SDC2: variants seen among roughly 807,000 people sequenced by gnomAD.
SDC2 encodes syndecan 2, also known as syndecan-2.
In SDC2, 13 loss-of-function variants were observed where a neutral mutation model predicts 22.2. The ratio of observed to expected loss-of-function variants is 0.59; its 90% CI spans 0.38 to 0.93. SDC2 has a LOEUF of 0.93. SDC2 is among the 40% of genes least tolerant of loss of function. The pLI is 0.00. For synonymous variants in SDC2, 94 were observed against 92.8 expected (o/e 1.01, Z -0.07); for missense variants, 235 against 246.8 (o/e 0.95, Z 0.32).
intron 1 of SDC2, among the ~76,000 whole-genome samples, chr8:96,590,029 G>A (rs1430094402): frequency 1.3e-5 from 2 of 152,248 alleles, no homozygotes; most frequent in Non-Finnish European, 2.9e-5. Context: ...TATGGAGGCA[G>A]TGTAGTGCTT....
intron 1 of SDC2, among the ~76,000 whole-genome samples, chr8:96,582,939 A>G (rs758183600): frequency 3.3e-5 from 5 of 152,088 alleles, no homozygotes; most frequent in Non-Finnish European, 7.4e-5. Context: ...AATTTTTAAA[A>G]CCTGAAATCT....
At chr8:96,540,284 G>A (rs550114492) in intron 1 of SDC2, among the ~76,000 whole-genome samples, 61 of 149,672 alleles carry the variant, frequency 4.1e-4, no homozygotes, top group African/African-American at 1.5e-3. Flanking sequence ...TTGAGCTTGG[G>A]TGTTCAAGAC....
chr8:96,563,332 G>A (rs747133660), intron 1 of SDC2, among the ~76,000 whole-genome samples: 2 of 152,126 alleles, frequency 1.3e-5, no homozygotes, highest in Non-Finnish European at 2.9e-5. Flanking sequence ...TCCTAGGCTA[G>A]CACTCAGTGT....
chr8:96,555,827 G>A (rs959671994), intron 1 of SDC2, among the ~76,000 whole-genome samples: 12 of 152,144 alleles, frequency 7.9e-5, no homozygotes, highest in African/African-American at 2.9e-4. Context: ...ATGAGTGCAA[G>A]TTGGGGCACC....
chr8:96,594,079 G>A (rs2704259), intron 2 of SDC2, among the ~76,000 whole-genome samples: 30,037 of 152,088 alleles, frequency 0.2, 3,494 homozygotes, highest in South Asian at 0.36. Flanking sequence ...TATTGTAGGA[G>A]GAAAATGCAG....
At chr8:96,560,360 A>G (rs534292441) in intron 1 of SDC2, among the ~76,000 whole-genome samples, 2 of 152,342 alleles carry the variant, frequency 1.3e-5, no homozygotes, top group Admixed American at 6.5e-5. Flanking sequence ...ATGAATAGTC[A>G]TATCTTCACA....
chr8:96,504,265 C>T (rs536537330), intron 1 of SDC2, among the ~76,000 whole-genome samples: 2 of 152,324 alleles, frequency 1.3e-5, no homozygotes, highest in African/African-American at 4.8e-5. Flanking sequence ...AGTTGTTAGG[C>T]AACAGTCTCT....
chr8:96,525,669 A>G (rs1813565394), intron 1 of SDC2, among the ~76,000 whole-genome samples: 1 of 152,160 alleles, frequency 6.6e-6, no homozygotes, highest in African/African-American at 2.4e-5. Flanking sequence ...GGACTTGTCC[A>G]AGATGTTACC....
At chr8:96,500,282 C>T (rs570182027) in intron 1 of SDC2, among the ~76,000 whole-genome samples, 4 of 152,100 alleles carry the variant, frequency 2.6e-5, no homozygotes, top group Admixed American at 2.0e-4. Context: ...GTTGGTATGC[C>T]GTTGGTCATT....
At chr8:96,578,213 G>T (rs1318843106) in intron 1 of SDC2, among the ~76,000 whole-genome samples, 2 of 152,206 alleles carry the variant, frequency 1.3e-5, no homozygotes, top group African/African-American at 4.8e-5. Flanking sequence ...GCTTTGATGT[G>T]TCCAGGCTTC....
rs145290691 is a variant in SDC2 at position 96,586,537 on chromosome 8, C to G, written c.61-6943C>G. On this transcript the variant is annotated intron_variant, in intron 1 of 4. Coordinates refer to ENST00000302190, the MANE Select transcript of SDC2 (RefSeq NM_002998.4). ...ACAGGAACAGCCAACATCAGTGGCA[C>G]CTTCCAAGTAAGTGGTTCAGACTTC... 4.2e-3 allele frequency: 637 copies of G among 152,322 alleles called. 4 individuals carry two copies. Among genetic ancestry groups the G allele is most frequent in the Non-Finnish European group, 6.2e-3 (424 of 68,048 alleles). 9.4% of individuals were successfully genotyped at this position (152,322 alleles called of 1,614,324 possible). A position where few individuals can be genotyped will look rare whatever the true frequency, so the allele number is the denominator to read the frequency against.
chr8:96,537,281 A>G (rs1443162606), intron 1 of SDC2: 3 of 152,184 alleles, frequency 2.0e-5, no homozygotes, highest in African/African-American at 7.2e-5. Context: ...AGCAGTTCTA[A>G]TGTTTTTTCT....
intron 1 of SDC2, among the ~76,000 whole-genome samples, chr8:96,582,433 G>A (rs1225737486): frequency 6.6e-6 from 1 of 152,054 alleles, no homozygotes; most frequent in African/African-American, 2.4e-5. Context: ...TGAAATTGGT[G>A]GTCTCGTCAG....
At chr8:96,499,759 G>T (rs1254811051) in intron 1 of SDC2, among the ~76,000 whole-genome samples, 4 of 145,710 alleles carry the variant, frequency 2.7e-5, no homozygotes, top group African/African-American at 7.4e-5. Flanking sequence ...TTCCTCTCTT[G>T]GCCTTTTTTT....
intron 1 of SDC2, among the ~76,000 whole-genome samples, chr8:96,510,189 AATACATTCTGGGACTTGATTGAAT>A (rs1232285665): frequency 2.6e-5 from 4 of 152,182 alleles, no homozygotes; most frequent in African/African-American, 9.7e-5. Flanking sequence ...ACTGATTGGA[AATACATTCTGGGACTTGATTGAAT>A]ATACTGATCA....
At chr8:96,607,063 G>C (rs959021224) in intron 3 of SDC2, among the ~76,000 whole-genome samples, 2 of 152,218 alleles carry the variant, frequency 1.3e-5, no homozygotes, top group African/African-American at 4.8e-5. Context: ...ATTGTGAACT[G>C]TGCCTGTTGT....
At chr8:96,583,412 G>A (rs182030204) in intron 1 of SDC2, among the ~76,000 whole-genome samples, 186 of 118,652 alleles carry the variant, frequency 1.6e-3, no homozygotes, top group African/African-American at 6.1e-3. Context: ...GTGTGTGTGT[G>A]TCTTGTGTTT....
Position 96,611,228 on chromosome 8 carries a change from G to C in SDC2, c.*1680G>C, listed in dbSNP as rs892096328. On this transcript the variant is annotated 3_prime_UTR_variant, in exon 5 of 5. Coordinates refer to ENST00000302190, the MANE Select transcript of SDC2 (RefSeq NM_002998.4). The stretch of plus-strand genomic sequence containing the variant: ...CTGGGGAAGGAGATGGAGTTATGAG[G>C]GTACTGTGGCTGGTACTTTCTGTAC... 5 of 152,178 alleles carry C rather than the reference G, an allele frequency of 3.3e-5. No homozygotes were observed. The highest frequency in any genetic ancestry group is 1.2e-4 in the African/African-American group (5 of 41,366). The allele number at this position is 152,178 out of a possible 1,614,324, so 9.4% of individuals were successfully genotyped here. A position where few individuals can be genotyped will look rare whatever the true frequency, so the allele number is the denominator to read the frequency against.
chr8:96,577,723 G>C (rs2651470), intron 1 of SDC2, among the ~76,000 whole-genome samples: 28,916 of 152,042 alleles, frequency 0.19, 3,240 homozygotes, highest in South Asian at 0.36. Flanking sequence ...AATACCCTGT[G>C]CTCCACCTAT....
Sources: gnomAD v4.1 joint callset for allele counts (sites outside exome capture counted in the v4.1 genomes callset) on GRCh38, gnomAD v4.1.1 for gene constraint, MANE v1.5 for transcripts, NCBI Gene and HGNC (gene_info 2026-07-23, HGNC 2026-07-21) for gene names.